Variants in MRAP2 observed in about 807,000 individuals in gnomAD.
The protein encoded by MRAP2 is melanocortin-2 receptor accessory protein 2.
In MRAP2, 20 loss-of-function variants were observed where a neutral mutation model predicts 17.4. That is an observed-to-expected ratio of 1.15 (90% confidence interval 0.81 to 1.67). MRAP2 has a LOEUF of 1.67. MRAP2 is among the 40% of genes most tolerant of loss of function. The pLI, the probability that MRAP2 is intolerant of heterozygous loss-of-function variation, is 0.00. For synonymous variants in MRAP2, 96 were observed against 88.4 expected (o/e 1.09, Z -0.48); for missense variants, 238 against 240.0 (o/e 0.99, Z 0.05).
chr6:84,126,389 C>A, the MRAP2 span: 1 of 1,591,542 alleles, frequency 6.3e-7, no homozygotes, highest in Non-Finnish European at 8.5e-7. Context: ...TGTTGAAGTT[C>A]CTGTTCTCTT....
chr6:84,132,533 TGTTC>T, the MRAP2 span, among the ~76,000 whole-genome samples: 1 of 152,208 alleles, frequency 6.6e-6, no homozygotes, highest in African/African-American at 2.4e-5. Context: ...TTGGAGGCTT[TGTTC>T]ATTTCTTTTT....
intron 1 of MRAP2, chr6:84,045,410 C>T (rs1049390928): frequency 1.9e-5 from 19 of 983,912 alleles, no homozygotes; most frequent in South Asian, 9.4e-5. Flanking sequence ...GCCACCTCCA[C>T]GAATGACCTG....
chr6:84,132,576 A>G, the MRAP2 span, among the ~76,000 whole-genome samples: 1 of 151,774 alleles, frequency 6.6e-6, no homozygotes, highest in Non-Finnish European at 1.5e-5. Flanking sequence ...TTCTCTTCTC[A>G]CTTCATTTCA....
chr6:84,049,842 G>A lies in MRAP2; in HGVS notation c.-7-5470G>A, dbSNP rs76205365. ...TACATCCTGAATTCTCTTGTTAGCT[G>A]TCAGTCACCATTTTTTGAGGACTGC... On this transcript the variant is annotated intron_variant, in intron 1 of 3. Coordinates refer to ENST00000257776, the MANE Select transcript of MRAP2 (RefSeq NM_138409.4). 7.8e-4 allele frequency among the ~76,000 whole-genome samples: 119 copies of A among 152,274 alleles called. 1 individual carries two copies. The highest frequency in any genetic ancestry group is 2.8e-3 in the African/African-American group (115 of 41,552).
Position 84,062,968 on chromosome 6 carries a change from CCAAGA to C in MRAP2, c.206_210del (p.Lys69ArgfsTer32). The C allele has an allele frequency of 6.2e-7, 1 of 1,614,138 alleles. No individual in the cohort carries two copies. Among genetic ancestry groups the C allele is most frequent in the Non-Finnish European group, 8.5e-7 (1 of 1,180,020 alleles). On this transcript the variant is annotated frameshift_variant, in exon 3 of 4. Coordinates refer to ENST00000257776, the MANE Select transcript of MRAP2 (RefSeq NM_138409.4). LOFTEE classifies it high-confidence loss of function. ...ATGTTTTTTGTGCTGACCTTGCTGA[CCAAGA>C]CAGGAGCCCCACACCAAGAGTAAGT...
Position 84,077,841 on chromosome 6 carries a change from C to T in MRAP2, c.228-11250C>T, listed in dbSNP as rs183397127. Reference sequence around the variant, plus strand: ...ATGGAGCGTGTCTTCAAAGTAAAAGCTCCTAGAACTGCACTGGCTGGTAGA... The same window carrying T: ...ATGGAGCGTGTCTTCAAAGTAAAAGTTCCTAGAACTGCACTGGCTGGTAGA... On this transcript the variant is annotated intron_variant, in intron 3 of 3. Coordinates refer to ENST00000257776, the MANE Select transcript of MRAP2 (RefSeq NM_138409.4). Among the ~76,000 whole-genome samples the T allele has an allele frequency of 7.7e-4, 118 of 152,258 alleles. 1 individual carries two copies. Among genetic ancestry groups the T allele is most frequent in the African/African-American group, 2.2e-3 (93 of 41,534 alleles).
chr6:84,113,845 G>GC, the MRAP2 span, among the ~76,000 whole-genome samples: 2 of 152,150 alleles, frequency 1.3e-5, no homozygotes, highest in Non-Finnish European at 2.9e-5. Flanking sequence ...CACTTTTGAA[G>GC]CTTAATTTGG....
intron 3 of MRAP2, among the ~76,000 whole-genome samples, chr6:84,075,343 G>A (rs1284512417): frequency 6.6e-6 from 1 of 152,230 alleles, no homozygotes; most frequent in Non-Finnish European, 1.5e-5. Flanking sequence ...GTAGACTGCA[G>A]AGGAAGAAAG....
At chr6:84,053,072 G>C (rs1417412447) in intron 1 of MRAP2, among the ~76,000 whole-genome samples, 1 of 152,152 alleles carries the variant, frequency 6.6e-6, no homozygotes, top group Non-Finnish European at 1.5e-5. Flanking sequence ...TGGTCTTGTG[G>C]AACCTGGTAG....
chr6:84,113,062 G>A, the MRAP2 span, among the ~76,000 whole-genome samples: 1 of 152,304 alleles, frequency 6.6e-6, no homozygotes, highest in East Asian at 1.9e-4. Context: ...TGAGAAGAAT[G>A]TATATTCTGT....
chr6:84,078,129 GA>G (rs915637687), intron 3 of MRAP2, among the ~76,000 whole-genome samples: 28 of 151,930 alleles, frequency 1.8e-4, no homozygotes, highest in Non-Finnish European at 3.5e-4. Context: ...AAACATAAAG[GA>G]AAAAAATTGA....
At chr6:84,071,408 C>G (rs1363894723) in intron 3 of MRAP2, among the ~76,000 whole-genome samples, 1 of 152,086 alleles carries the variant, frequency 6.6e-6, no homozygotes, top group Non-Finnish European at 1.5e-5. Context: ...AAGATAGGGC[C>G]CCAATCCCTT....
At chr6:84,060,737 G>C (rs2099492905) in intron 2 of MRAP2, among the ~76,000 whole-genome samples, 1 of 151,244 alleles carries the variant, frequency 6.6e-6, no homozygotes, top group African/African-American at 2.4e-5. Context: ...CCAGGCTGCA[G>C]TGCTGTGGCG....
At chr6:84,119,687 C>T in the MRAP2 span, among the ~76,000 whole-genome samples, 11 of 152,156 alleles carry the variant, frequency 7.2e-5, no homozygotes, top group Non-Finnish European at 1.5e-4. Flanking sequence ...CACAGAATCA[C>T]TAAATTACAT....
the MRAP2 span, among the ~76,000 whole-genome samples, chr6:84,137,004 ATGT>A: frequency 8.5e-5 from 13 of 152,190 alleles, no homozygotes; most frequent in Non-Finnish European, 5.9e-5. Flanking sequence ...GTAACTGAGC[ATGT>A]TGTTGTGGGA....
At chr6:84,074,637 C>T (rs181510373) in intron 3 of MRAP2, among the ~76,000 whole-genome samples, 34 of 152,302 alleles carry the variant, frequency 2.2e-4, no homozygotes, top group East Asian at 7.7e-4. Flanking sequence ...TCCCTGTGCC[C>T]GTGCCCACAA....
chr6:84,131,596 T>A, the MRAP2 span, among the ~76,000 whole-genome samples: 2 of 151,964 alleles, frequency 1.3e-5, no homozygotes, highest in African/African-American at 4.8e-5. Context: ...TTTACCATTA[T>A]GGCCTTGTCT....
intron 2 of MRAP2, among the ~76,000 whole-genome samples, chr6:84,058,716 A>G (rs769534574): frequency 2.6e-5 from 4 of 152,188 alleles, no homozygotes; most frequent in Non-Finnish European, 5.9e-5. Flanking sequence ...GCATAGCAGC[A>G]TAGGTGCCTG....
At chr6:84,123,894 A>G in the MRAP2 span, among the ~76,000 whole-genome samples, 1 of 152,164 alleles carries the variant, frequency 6.6e-6, no homozygotes, top group Admixed American at 6.5e-5. Flanking sequence ...ATCCCGTTAC[A>G]AACTGGGAGA....
Sources: allele counts gnomAD v4.1 joint callset (sites outside exome capture counted in the v4.1 genomes callset), GRCh38; gene constraint gnomAD v4.1.1; transcripts MANE v1.5; gene names NCBI Gene and HGNC (gene_info 2026-07-23, HGNC 2026-07-21).